Variants in OXR1 observed in about 807,000 individuals in gnomAD.
The protein encoded by OXR1 is oxidation resistance protein 1.
Under a neutral mutation model 104.6 loss-of-function variants are expected in OXR1, and 41 were observed. The ratio of observed to expected loss-of-function variants is 0.39; its 90% CI spans 0.31 to 0.51. The LOEUF (loss-of-function observed/expected upper bound fraction) is 0.51, where lower values mean the gene tolerates loss of function less well. OXR1 is among the 20% of genes least tolerant of loss of function. The pLI is 0.77. For missense variants in OXR1, 955 were observed against 1,031.9 expected, an observed-to-expected ratio of 0.93 and a Z score of 1.02; for synonymous variants, 348 against 348.4, an observed-to-expected ratio of 1.00 and a Z score of 0.01.
Position 106,577,685 on chromosome 8 carries a change from C to T in OXR1, c.220+58546C>T, listed in dbSNP as rs544887816. 1.3e-4 allele frequency among the ~76,000 whole-genome samples: 20 copies of T among 152,154 alleles called. No individual in the cohort carries two copies. In the East Asian group the frequency reaches 3.5e-3, roughly 26 times the overall value. ...GATTTCAGGCGTGAGCTACTGCGCC[C>T]GGCCAAAGCTACCCTTTTCTGTTCA... On this transcript the variant is annotated intron_variant, in intron 3 of 16. Coordinates refer to ENST00000517566, the MANE Select transcript of OXR1 (RefSeq NM_001198533.2).
At chr8:106,603,521 G>A (rs1164285777) in intron 3 of OXR1, among the ~76,000 whole-genome samples, 1 of 152,142 alleles carries the variant, frequency 6.6e-6, no homozygotes, top group Non-Finnish European at 1.5e-5. Flanking sequence ...TCAAGAATCA[G>A]TTATGAGAGG....
intron 3 of OXR1, among the ~76,000 whole-genome samples, chr8:106,526,604 G>T (rs911312542): frequency 6.6e-6 from 1 of 152,188 alleles, no homozygotes; most frequent in Non-Finnish European, 1.5e-5. Context: ...GTGCAGTGGC[G>T]CAATCTCGGC....
At chr8:106,461,205 T>C (rs536843914) in intron 2 of OXR1, among the ~76,000 whole-genome samples, 2 of 152,252 alleles carry the variant, frequency 1.3e-5, no homozygotes, top group Admixed American at 6.5e-5. Flanking sequence ...CAGATCTGGC[T>C]AGAGTAAGAG....
intron 1 of OXR1, among the ~76,000 whole-genome samples, chr8:106,282,613 G>T (rs543778531): frequency 6.6e-6 from 1 of 152,208 alleles, no homozygotes; most frequent in East Asian, 1.9e-4. Context: ...CTAGAGAAAA[G>T]AAAATGCTAT....
chr8:106,368,235 T>A (rs1403831107), intron 2 of OXR1, among the ~76,000 whole-genome samples: 1 of 151,904 alleles, frequency 6.6e-6, no homozygotes, highest in Non-Finnish European at 1.5e-5. Flanking sequence ...AATATAAACA[T>A]ATGACAGAAA....
intron 6 of OXR1, among the ~76,000 whole-genome samples, chr8:106,690,358 G>A (rs1829156981): frequency 6.6e-6 from 1 of 150,736 alleles, no homozygotes; most frequent in Non-Finnish European, 1.5e-5. Context: ...TAACAACTTA[G>A]TAAGGAATTG....
intron 2 of OXR1, among the ~76,000 whole-genome samples, chr8:106,505,443 G>C (rs1812096398): frequency 6.6e-6 from 1 of 152,188 alleles, no homozygotes; most frequent in Admixed American, 6.5e-5. Context: ...CTCCCCATCA[G>C]AGTGTCTAAT....
intron 3 of OXR1, among the ~76,000 whole-genome samples, chr8:106,637,375 G>A (rs2130921715): frequency 6.6e-6 from 1 of 152,214 alleles, no homozygotes; most frequent in Admixed American, 6.5e-5. Flanking sequence ...ATAAAACAAT[G>A]AGTACCATTT....
In OXR1 at chr8:106,713,212, A is replaced by C. The variant is rs182498719; in HGVS notation, c.1794-611A>C. Among the ~76,000 whole-genome samples, 10 of 152,082 alleles carry C rather than the reference A, an allele frequency of 6.6e-5. No individual in the cohort carries two copies. In the East Asian group the frequency reaches 1.9e-3, roughly 29 times the overall value. On this transcript the variant is annotated intron_variant, in intron 10 of 16. Transcript: ENST00000517566. The stretch of plus-strand genomic sequence containing the variant: ...ATCAATTTTCAAAAACATGTTAATT[A>C]AAACCAATAAAACGTAGATATTTGA...
intron 1 of OXR1, among the ~76,000 whole-genome samples, chr8:106,291,147 T>A (rs535019945): frequency 6.6e-5 from 10 of 152,190 alleles, no homozygotes; most frequent in Non-Finnish European, 1.2e-4. Flanking sequence ...TACAGCAACA[T>A]GGATGGAGAT....
chr8:106,702,956 T>C lies in OXR1; in HGVS notation c.726T>C (p.Asp242=). The change falls in exon 8 of 17, where the codon GAT becomes GAC. Residue 242 remains aspartate, a synonymous_variant. Transcript: ENST00000517566. ...TTACACCAAATAATATAATGTTTGA[T>C]CCACATAAAAATGACCCTTTGGTTC... ...LLVTPNNIMF[D]PHKNDPLVQE... 2 of 1,613,794 alleles carry C rather than the reference T, an allele frequency of 1.2e-6. No homozygotes were observed. The highest frequency in any genetic ancestry group is 1.7e-6 in the Non-Finnish European group (2 of 1,179,788).
intron 3 of OXR1, chr8:106,581,061 A>C: frequency 6.0e-6 from 7 of 1,168,368 alleles, no homozygotes; most frequent in Non-Finnish European, 7.5e-6. Flanking sequence ...TAGACTTCTC[A>C]CTTCAATAGT....
chr8:106,481,033 C>T (rs1822083918), intron 2 of OXR1, among the ~76,000 whole-genome samples: 1 of 151,892 alleles, frequency 6.6e-6, no homozygotes, highest in South Asian at 2.1e-4. Context: ...GTATGGCTTA[C>T]CAAGTAAATA....
intron 1 of OXR1, among the ~76,000 whole-genome samples, chr8:106,281,377 C>T (rs891763236): frequency 1.3e-5 from 2 of 152,032 alleles, no homozygotes; most frequent in Admixed American, 6.5e-5. Flanking sequence ...TTTTACTTGG[C>T]AATAGAAAGG....
chr8:106,735,772 ATCTT>A (rs1237537983), intron 11 of OXR1, among the ~76,000 whole-genome samples: 2 of 152,138 alleles, frequency 1.3e-5, no homozygotes, highest in East Asian at 3.8e-4. Flanking sequence ...TTTTTCTTTT[ATCTT>A]TATTGAAATC....
At chr8:106,480,830 T>G (rs577146443) in intron 2 of OXR1, among the ~76,000 whole-genome samples, 3 of 151,962 alleles carry the variant, frequency 2.0e-5, no homozygotes, top group Non-Finnish European at 4.4e-5. Flanking sequence ...GATCAAATTA[T>G]TTAATGTACA....
chr8:106,632,219 A>G (rs1339463455), intron 3 of OXR1, among the ~76,000 whole-genome samples: 2 of 152,206 alleles, frequency 1.3e-5, no homozygotes, highest in African/African-American at 4.8e-5. Context: ...GTGAAAACAA[A>G]TATTACCTTC....
At chr8:106,314,263 A>C (rs73701111) in intron 1 of OXR1, among the ~76,000 whole-genome samples, 3,736 of 152,280 alleles carry the variant, frequency 0.025, 58 homozygotes, top group South Asian at 0.096. Flanking sequence ...CACTCATTGC[A>C]AACCGAAGTT....
chr8:106,488,451 T>G lies in OXR1; in HGVS notation c.24-30492T>G, dbSNP rs537020043. 8.0e-3 allele frequency among the ~76,000 whole-genome samples: 1,205 copies of G among 151,506 alleles called. 13 individuals carry two copies. Among genetic ancestry groups the G allele is most frequent in the African/African-American group, 0.028 (1,150 of 41,312 alleles). ...AATTAGATCCCATTTGTCAATTTTGTCTTTTGTTGCCATTGCTTTTGGTGT... is the reference window on the plus strand; with the variant it reads ...AATTAGATCCCATTTGTCAATTTTGGCTTTTGTTGCCATTGCTTTTGGTGT... On this transcript the variant is annotated intron_variant, in intron 2 of 16. Transcript: ENST00000517566.
Sources: allele counts gnomAD v4.1 joint callset (sites outside exome capture counted in the v4.1 genomes callset), GRCh38; gene constraint gnomAD v4.1.1; transcripts MANE v1.5; gene names NCBI Gene and HGNC (gene_info 2026-07-23, HGNC 2026-07-21).